STK4: variants seen among roughly 807,000 people sequenced by gnomAD.
STK4 encodes the protein serine/threonine-protein kinase 4.
Under a neutral mutation model 64.9 loss-of-function variants are expected in STK4, and 30 were observed. That is an observed-to-expected ratio of 0.46 (90% CI 0.35 to 0.63). The LOEUF (loss-of-function observed/expected upper bound fraction) is 0.63, where lower values mean the gene tolerates loss of function less well. Ranked by LOEUF, STK4 falls within the 20% of genes least tolerant of loss-of-function variation. The pLI is 0.01. For missense variants in STK4, 466 were observed against 598.5 expected (o/e 0.78, Z 2.31); for synonymous variants, 177 against 199.0 (o/e 0.89, Z 0.93).
chr20:44,970,723 T>A (rs1246254596), intron 1 of STK4: 1 of 152,204 alleles, frequency 6.6e-6, no homozygotes, highest in African/African-American at 2.4e-5. Context: ...CTTGGAGCAG[T>A]TCTCCATTTC....
chr20:44,987,452 G>T (rs2067549822), intron 5 of STK4, among the ~76,000 whole-genome samples, 156 bp downstream of exon 5: 1 of 152,110 alleles, frequency 6.6e-6, no homozygotes, highest in South Asian at 2.1e-4. Flanking sequence ...TAGTTAGTGG[G>T]TTATTTTAGA....
chr20:45,039,535 A>G (rs766493136), intron 10 of STK4, among the ~76,000 whole-genome samples: 1 of 152,218 alleles, frequency 6.6e-6, no homozygotes, highest in Non-Finnish European at 1.5e-5. Context: ...TCTGCCAGAT[A>G]CCCAAGTCTG....
chr20:45,018,331 A>G (rs2068181104), intron 9 of STK4, among the ~76,000 whole-genome samples: 1 of 152,172 alleles, frequency 6.6e-6, no homozygotes, highest in Non-Finnish European at 1.5e-5. Context: ...GAAAAGAGTC[A>G]TTGTAGGAAT....
intron 9 of STK4, among the ~76,000 whole-genome samples, chr20:45,023,763 C>A (rs1211083194): frequency 2.0e-5 from 3 of 152,100 alleles, no homozygotes; most frequent in Non-Finnish European, 2.9e-5. Context: ...TGATGCTTTT[C>A]TCCAGGATGG....
At chr20:44,999,130 A>G (rs2067789266) in intron 7 of STK4, among the ~76,000 whole-genome samples, 1 of 152,170 alleles carries the variant, frequency 6.6e-6, no homozygotes, top group South Asian at 2.1e-4. Flanking sequence ...GAAATACAGT[A>G]AAAAGAATGA....
chr20:44,997,439 C>A, intron 7 of STK4, 133 bp downstream of exon 7: 1 of 1,149,920 alleles, frequency 8.7e-7, no homozygotes, highest in South Asian at 1.8e-5. Flanking sequence ...CGCCTGTAAT[C>A]GTAGCACTTT....
At chr20:45,028,430 A>G (rs6130732) in intron 10 of STK4, among the ~76,000 whole-genome samples, 18,857 of 151,626 alleles carry the variant, frequency 0.12, 1,532 homozygotes, top group East Asian at 0.22. Flanking sequence ...GGCCTGTAGT[A>G]ATCCTCCCAC....
rs1176744467 is a variant in STK4, at chr20:45,072,832, TAATAAG to T, written c.1306-2180_1306-2175del. Among the ~76,000 whole-genome samples, 9 of 152,184 alleles carry T rather than the reference TAATAAG, an allele frequency of 5.9e-5. No individual in the cohort carries two copies. The East Asian group carries it at 1.3e-3, about 23-fold the overall frequency. The stretch of plus-strand genomic sequence containing the variant: ...GACTTACCAATCATATGTACAATAA[TAATAAG>T]AATAACAATAGCAACAATAACAACA... On this transcript the variant is annotated intron_variant, in intron 10 of 10. Transcript: ENST00000372806.
At chr20:45,034,487 C>G (rs2068495258) in intron 10 of STK4, among the ~76,000 whole-genome samples, 1 of 152,178 alleles carries the variant, frequency 6.6e-6, no homozygotes, top group Non-Finnish European at 1.5e-5. Context: ...ATTTACTTCC[C>G]ATGTGGAAGT....
At chr20:45,011,790 A>G (rs1376168341) in intron 9 of STK4, among the ~76,000 whole-genome samples, 2 of 145,100 alleles carry the variant, frequency 1.4e-5, no homozygotes, top group East Asian at 2.0e-4. Context: ...ATGTTACAGT[A>G]AATAACAGTA....
chr20:45,072,860 A>G (rs897520249), intron 10 of STK4, among the ~76,000 whole-genome samples: 6 of 152,222 alleles, frequency 3.9e-5, no homozygotes, highest in African/African-American at 1.4e-4. Flanking sequence ...CAACAATAAC[A>G]ACAGTGATAA....
intron 10 of STK4, among the ~76,000 whole-genome samples, chr20:45,059,548 G>A (rs751013393): frequency 2.6e-4 from 39 of 152,308 alleles, no homozygotes; most frequent in Non-Finnish European, 2.5e-4. Context: ...ACAAAGGGAT[G>A]ATTCACATCC....
At position 45,048,917 on chromosome 20, in the gene STK4, C is replaced by T. The variant is rs117621089; in HGVS notation, c.1305+23787C>T. ...GGATACTCACTAAAACACTGATAGA[C>T]CTTTTGTGTTTTCTCTGATTGCTTC... On this transcript the variant is annotated intron_variant, in intron 10 of 10. Coordinates refer to ENST00000372806, the MANE Select transcript of STK4 (RefSeq NM_006282.5). Among the ~76,000 whole-genome samples the T allele has an allele frequency of 5.4e-3, 823 of 152,120 alleles. 2 individuals carry two copies. The highest frequency in any genetic ancestry group is 8.9e-3 in the Non-Finnish European group (602 of 68,004).
chr20:45,015,056 C>A (rs2068117072), intron 9 of STK4, among the ~76,000 whole-genome samples: 1 of 152,194 alleles, frequency 6.6e-6, no homozygotes, highest in Admixed American at 6.5e-5. Context: ...AACTAAGAGA[C>A]ATGTTTTAGT....
chr20:44,977,523 T>G (rs1023288958), intron 2 of STK4, among the ~76,000 whole-genome samples: 4 of 152,192 alleles, frequency 2.6e-5, no homozygotes, highest in African/African-American at 9.6e-5. Flanking sequence ...TGGTATCTCA[T>G]TTGACCATCA....
At chr20:45,074,841 A>T (rs963416408) in intron 10 of STK4, among the ~76,000 whole-genome samples, 177 bp from the exon 11 acceptor site, 22 of 152,170 alleles carry the variant, frequency 1.4e-4, no homozygotes, top group African/African-American at 5.1e-4. Context: ...GCTTCAAGGT[A>T]TGCCATGCTT....
intron 5 of STK4, 81 bp from the exon 6 acceptor site, chr20:44,995,008 TC>T (rs1332746142): frequency 7.6e-6 from 9 of 1,179,286 alleles, no homozygotes; most frequent in African/African-American, 4.7e-5. Flanking sequence ...TTTTTTTTCT[TC>T]TTTTTTTCTC....
At position 45,001,951 on chromosome 20, in the gene STK4, C is replaced by T. The variant is rs573324208; in HGVS notation, c.1147+598C>T. Among the ~76,000 whole-genome samples, 57 of 152,246 alleles carry T rather than the reference C, an allele frequency of 3.7e-4. 1 individual carries two copies. The South Asian group carries it at 0.011, about 30-fold the overall frequency. ...TGAAATTCTTGTGTCATTCAGTGCT[C>T]GTGGTGCTTTATGTTTCATCCCCTA... On this transcript the variant is annotated intron_variant, in intron 9 of 10. Transcript: ENST00000372806.
intron 10 of STK4, among the ~76,000 whole-genome samples, chr20:45,047,417 A>G (rs906288147): frequency 6.6e-6 from 1 of 152,220 alleles, no homozygotes; most frequent in Non-Finnish European, 1.5e-5. Flanking sequence ...TCTAATTCAG[A>G]TGCTGCATCT....
Sources: allele counts gnomAD v4.1 joint callset (sites outside exome capture counted in the v4.1 genomes callset), GRCh38; gene constraint gnomAD v4.1.1; transcripts MANE v1.5; gene names NCBI Gene and HGNC (gene_info 2026-07-23, HGNC 2026-07-21).